Variants in AXDND1 observed in about 807,000 individuals in gnomAD.
AXDND1 encodes the protein axonemal dynein light chain domain containing 1.
A neutral mutation model predicts 137.5 loss-of-function variants in AXDND1; 110 were observed. That is an observed-to-expected ratio of 0.80 (90% confidence interval 0.69 to 0.94). AXDND1 has a LOEUF of 0.94. AXDND1 is among the 40% of genes least tolerant of loss of function. The pLI, the probability that AXDND1 is intolerant of heterozygous loss-of-function variation, is 0.00. For synonymous variants in AXDND1, 414 were observed against 399.7 expected (o/e 1.04, Z -0.43); for missense variants, 1,191 against 1,169.8 (o/e 1.02, Z -0.26).
chr1:179,467,843 T>C (rs953091259), intron 16 of AXDND1, among the ~76,000 whole-genome samples: 1 of 152,150 alleles, frequency 6.6e-6, no homozygotes, highest in Admixed American at 6.5e-5. Flanking sequence ...TTATATAACT[T>C]TGAGATGGGA....
Position 179,411,200 on chromosome 1 carries a change from T to C in AXDND1, c.1164T>C (p.Asn388=), listed in dbSNP as rs768338589. The stretch of plus-strand genomic sequence containing the variant: ...CATTACAAAGAGAAAGGATGGAGAA[T>C]GATATGAAAAAGTTAGTGGCAGAAA... ...LYTLQRERME[N]DMKKLVAERD... Residue 388 remains asparagine, a synonymous_variant, in exon 12 of 26, where the codon AAT becomes AAC. Transcript: ENST00000367618. The C allele has an allele frequency of 3.7e-6, 6 of 1,612,416 alleles. No individual in the cohort carries two copies. In the Admixed American group the frequency reaches 5.0e-5, roughly 14 times the overall value.
chr1:179,421,367 CTTTTTTTTTT>C (rs199703017), intron 12 of AXDND1, among the ~76,000 whole-genome samples: 4 of 107,212 alleles, frequency 3.7e-5, no homozygotes, highest in South Asian at 2.9e-4. Flanking sequence ...TTTTCTTTTC[CTTTTTTTTTT>C]TTTTTTTTTT....
At chr1:179,506,948 C>T in intron 20 of AXDND1, 5 of 964,298 alleles carry the variant, frequency 5.2e-6, no homozygotes, top group Non-Finnish European at 6.2e-6. Flanking sequence ...CCCCAGCTTT[C>T]CTTCCTTATG....
intron 4 of AXDND1, among the ~76,000 whole-genome samples, chr1:179,372,729 G>T (rs955549976): frequency 6.6e-6 from 1 of 151,996 alleles, no homozygotes; most frequent in Non-Finnish European, 1.5e-5. Flanking sequence ...TGTTGCCCAG[G>T]CTGGAGTGCA....
intron 20 of AXDND1, chr1:179,506,884 A>G: frequency 1.0e-6 from 1 of 985,428 alleles, no homozygotes; most frequent in Non-Finnish European, 1.2e-6. Flanking sequence ...CTATGACTGA[A>G]GATGGTGGTA....
intron 16 of AXDND1, chr1:179,453,756 C>T (rs1331746171): frequency 6.8e-6 from 1 of 147,904 alleles, no homozygotes; most frequent in African/African-American, 2.5e-5. Context: ...GCCAAGATCG[C>T]ACCGTTGCAC....
chr1:179,481,311 A>T lies in AXDND1; in HGVS notation c.1998-1817A>T, dbSNP rs1419465589. 2.7e-5 allele frequency among the ~76,000 whole-genome samples: 4 copies of T among 149,794 alleles called. No individual in the cohort carries two copies. The South Asian group carries it at 6.3e-4, about 24-fold the overall frequency. ...ATCCATGTCCCTACAAAGGACGTGAACTCATCATTTTTTACGGCTGCATAG... is the reference window on the plus strand; with the variant it reads ...ATCCATGTCCCTACAAAGGACGTGATCTCATCATTTTTTACGGCTGCATAG... On this transcript the variant is annotated intron_variant, in intron 17 of 25. Transcript: ENST00000367618.
chr1:179,471,547 T>G (rs1663938226), intron 17 of AXDND1, among the ~76,000 whole-genome samples: 1 of 152,232 alleles, frequency 6.6e-6, no homozygotes, highest in Admixed American at 6.5e-5. Context: ...AGATCAGTGC[T>G]AGCATCCCTT....
intron 20 of AXDND1, among the ~76,000 whole-genome samples, chr1:179,508,522 A>G (rs1558284143): frequency 6.6e-6 from 1 of 152,120 alleles, no homozygotes; most frequent in Non-Finnish European, 1.5e-5. Flanking sequence ...ACTAATAAGG[A>G]ATAATGTACC....
intron 12 of AXDND1, among the ~76,000 whole-genome samples, chr1:179,417,675 A>G (rs1473373198): frequency 6.6e-6 from 1 of 152,056 alleles, no homozygotes; most frequent in African/African-American, 2.4e-5. Flanking sequence ...CTTTTTGCAC[A>G]GGATTGCTTT....
At chr1:179,492,265 G>GCC (rs1666989639) in intron 19 of AXDND1, among the ~76,000 whole-genome samples, 1 of 152,064 alleles carries the variant, frequency 6.6e-6, no homozygotes, top group South Asian at 2.1e-4. Flanking sequence ...AGTAGAGGTA[G>GCC]AGTTTTGCCA....
At chr1:179,463,674 T>C (rs1402488490) in intron 16 of AXDND1, among the ~76,000 whole-genome samples, 1 of 152,220 alleles carries the variant, frequency 6.6e-6, no homozygotes, top group Admixed American at 6.5e-5. Flanking sequence ...TGGATATCCT[T>C]GTTAACTTTC....
intron 18 of AXDND1, among the ~76,000 whole-genome samples, chr1:179,484,321 G>A (rs1361941263): frequency 2.6e-5 from 4 of 152,146 alleles, no homozygotes; most frequent in Admixed American, 2.0e-4. Context: ...AGTCAGGGGT[G>A]CCTATCCCCC....
At position 179,425,835 on chromosome 1, in the gene AXDND1, CTTT is replaced by C. The variant is rs11300946; in HGVS notation, c.1231-3666_1231-3664del. On this transcript the variant is annotated intron_variant, in intron 12 of 25. Coordinates refer to ENST00000367618, the MANE Select transcript of AXDND1 (RefSeq NM_144696.6). Reference sequence around the variant, plus strand: ...GTGTAAAGAGAGAAATGTGGAAGCTCTTTTTTTTTTTTTTTTTTTGAGACAGAG... The same window carrying C: ...GTGTAAAGAGAGAAATGTGGAAGCTCTTTTTTTTTTTTTTTTGAGACAGAG... 9.4e-4 allele frequency among the ~76,000 whole-genome samples: 95 copies of C among 101,084 alleles called. 1 individual carries two copies. The highest frequency in any genetic ancestry group is 2.8e-3 in the African/African-American group (79 of 27,740). The allele number at this position is 101,084 out of a possible 152,430, so 66.3% of individuals were successfully genotyped here.
chr1:179,496,106 A>C (rs1301164358), intron 20 of AXDND1, among the ~76,000 whole-genome samples: 1 of 151,938 alleles, frequency 6.6e-6, no homozygotes, highest in African/African-American at 2.4e-5. Context: ...ATATGTTGCA[A>C]ATTCAATTGA....
Position 179,368,813 on chromosome 1 carries a change from A to G in AXDND1, c.111A>G (p.Leu37=). Residue 37 remains leucine (L), a synonymous_variant, in exon 3 of 26, where the codon CTA becomes CTG. Transcript: ENST00000367618. ...AKEGTRGLPE[L]KEKKNMVDRS... is the part of the protein sequence containing the mutation. ...CTACTTACTTAGGACTTCCTGAGCTAAAGGAGAAAAAAAATATGGTGGATC... is the reference window on the plus strand; with the variant it reads ...CTACTTACTTAGGACTTCCTGAGCTGAAGGAGAAAAAAAATATGGTGGATC... The G allele has an allele frequency of 6.2e-7, 1 of 1,611,470 alleles. No individual in the cohort carries two copies. The highest frequency in any genetic ancestry group is 8.5e-7 in the Non-Finnish European group (1 of 1,179,026).
intron 16 of AXDND1, among the ~76,000 whole-genome samples, chr1:179,460,663 A>C (rs370216971): frequency 4.6e-5 from 7 of 152,108 alleles, no homozygotes; most frequent in Non-Finnish European, 8.8e-5. Context: ...TACAGTCCCA[A>C]CAACAGTGTA....
rs1016380998 is a variant in AXDND1, at chr1:179,529,889, T to C, written c.2715+1458T>C. ...GGGGGTAATATATTTTAATTTCCTT[T>C]GGCACATTCTCCCAAAGTGGTGCCT... On this transcript the variant is annotated intron_variant, in intron 23 of 25. Transcript: ENST00000367618. Among the ~76,000 whole-genome samples, 8 of 152,300 alleles carry C rather than the reference T, an allele frequency of 5.3e-5. No homozygotes were observed. The South Asian group carries it at 1.5e-3, about 28-fold the overall frequency.
intron 20 of AXDND1, among the ~76,000 whole-genome samples, chr1:179,498,689 G>A (rs1055023234): frequency 1.3e-5 from 2 of 152,010 alleles, no homozygotes. Flanking sequence ...TCTGACAAAG[G>A]CCTAATATCT....
Sources: gnomAD v4.1 joint callset for allele counts (sites outside exome capture counted in the v4.1 genomes callset) on GRCh38, gnomAD v4.1.1 for gene constraint, MANE v1.5 for transcripts, NCBI Gene and HGNC (gene_info 2026-07-23, HGNC 2026-07-21) for gene names.